Variants in CDH13 observed in about 807,000 individuals in gnomAD.
The protein encoded by CDH13 is cadherin-13.
CDH13 carries 24 observed loss-of-function variants against 63.8 expected under a neutral mutation model. The observed-to-expected ratio is 0.38, with a 90% CI of 0.27 to 0.53. The LOEUF (loss-of-function observed/expected upper bound fraction) is 0.53, where lower values mean the gene tolerates loss of function less well. Among genes scored for constraint, CDH13 ranks in the 20% least tolerant of loss-of-function variants. The probability of loss-of-function intolerance (pLI) is 0.85; values close to 1 mark genes in which losing one functional copy is unlikely to be tolerated. For synonymous variants in CDH13, 503 were observed against 355.3 expected, an observed-to-expected ratio of 1.42 and a Z score of -4.67; for missense variants, 1,049 against 903.1, an observed-to-expected ratio of 1.16 and a Z score of -2.07.
intron 13 of CDH13, among the ~76,000 whole-genome samples, chr16:83,784,107 C>T (rs957811939): frequency 1.3e-5 from 2 of 152,092 alleles, no homozygotes; most frequent in African/African-American, 2.4e-5. Flanking sequence ...TAACTTTAGC[C>T]GTTATTCATA....
chr16:83,575,558 A>G (rs975801369), intron 7 of CDH13, among the ~76,000 whole-genome samples: 19 of 152,184 alleles, frequency 1.2e-4, no homozygotes, highest in African/African-American at 2.2e-4. Flanking sequence ...GGGGGTTTCC[A>G]TCTTCACCCA....
In CDH13 at chr16:82,982,597, C is replaced by G. The variant is rs1910421617; in HGVS notation, c.158-49413C>G. On this transcript the variant is annotated intron_variant, in intron 2 of 13. Transcript: ENST00000567109. The stretch of plus-strand genomic sequence containing the variant: ...GATTTTTTCTGATTTTCAGGCCAGT[C>G]TCATATCCCCAGAGAAATGCATTCT... Among the ~76,000 whole-genome samples, 3 of 152,192 alleles carry G rather than the reference C, an allele frequency of 2.0e-5. No homozygotes were observed. The South Asian group carries it at 6.2e-4, about 32-fold the overall frequency.
At chr16:83,756,865 C>A (rs868696560) in intron 11 of CDH13, among the ~76,000 whole-genome samples, 20 of 152,130 alleles carry the variant, frequency 1.3e-4, no homozygotes, top group Non-Finnish European at 2.8e-4. Context: ...TCTCTCATAT[C>A]AGCTTCAAGA....
chr16:83,354,849 T>A (rs561538211), intron 6 of CDH13, among the ~76,000 whole-genome samples: 6 of 152,332 alleles, frequency 3.9e-5, no homozygotes, highest in African/African-American at 1.4e-4. Context: ...CTGTTGTTTT[T>A]TAAATAAAGT....
intron 3 of CDH13, among the ~76,000 whole-genome samples, chr16:83,104,484 C>T (rs993216546): frequency 6.6e-6 from 1 of 151,922 alleles, no homozygotes; most frequent in Non-Finnish European, 1.5e-5. Flanking sequence ...AAGAGAGCCA[C>T]ATAAAAGAGA....
chr16:83,754,918 C>G (rs541446713), intron 11 of CDH13, among the ~76,000 whole-genome samples: 2 of 152,190 alleles, frequency 1.3e-5, no homozygotes, highest in Admixed American at 6.5e-5. Context: ...CATCTGGAGC[C>G]TCTCCAATCT....
intron 1 of CDH13, among the ~76,000 whole-genome samples, chr16:82,788,067 CAGTGCTCTCT>C (rs1330906313): frequency 6.6e-6 from 1 of 152,058 alleles, no homozygotes; most frequent in African/African-American, 2.4e-5. Flanking sequence ...AATAATAAGT[CAGTGCTCTCT>C]GGAGGCTATA....
chr16:83,212,701 G>A (rs578226843), intron 4 of CDH13, among the ~76,000 whole-genome samples: 1 of 152,318 alleles, frequency 6.6e-6, no homozygotes, highest in South Asian at 2.1e-4. Flanking sequence ...GCTGAAAGCT[G>A]CCCAAAGCAG....
chr16:83,475,814 A>T (rs779565622), intron 6 of CDH13, among the ~76,000 whole-genome samples: 2 of 152,114 alleles, frequency 1.3e-5, no homozygotes, highest in Non-Finnish European at 2.9e-5. Flanking sequence ...TGGACTCCTG[A>T]CCTCGGGTGA....
chr16:83,002,559 G>A (rs980662820), intron 2 of CDH13, among the ~76,000 whole-genome samples: 1 of 152,194 alleles, frequency 6.6e-6, no homozygotes, highest in African/African-American at 2.4e-5. Flanking sequence ...AAAAATCCCT[G>A]CCATTGTGAT....
intron 2 of CDH13, among the ~76,000 whole-genome samples, chr16:83,014,348 G>A (rs980250800): frequency 4.2e-5 from 6 of 144,030 alleles, no homozygotes; most frequent in Admixed American, 7.0e-5. Context: ...AAAAAACTTA[G>A]CATCTAACTA....
At chr16:83,155,849 C>T (rs1361455770) in intron 4 of CDH13, among the ~76,000 whole-genome samples, 1 of 152,188 alleles carries the variant, frequency 6.6e-6, no homozygotes, top group Non-Finnish European at 1.5e-5. Flanking sequence ...GTTCTCAAAC[C>T]TTGGCTGCAT....
chr16:83,617,144 C>T (rs1039545719), intron 8 of CDH13, among the ~76,000 whole-genome samples: 10 of 152,182 alleles, frequency 6.6e-5, no homozygotes, highest in African/African-American at 2.4e-4. Flanking sequence ...ATGCTTTGCT[C>T]TTTAAGCCCA....
intron 5 of CDH13, among the ~76,000 whole-genome samples, chr16:83,265,008 TTAA>T (rs1186170599): frequency 1.4e-4 from 21 of 152,242 alleles, no homozygotes; most frequent in Non-Finnish European, 2.9e-4. Context: ...TTTCCAGGTG[TTAA>T]TAATTATTTC....
At chr16:83,597,707 C>T (rs895152592) in intron 7 of CDH13, among the ~76,000 whole-genome samples, 1 of 152,178 alleles carries the variant, frequency 6.6e-6, no homozygotes, top group Non-Finnish European at 1.5e-5. Context: ...AGTTTATCTA[C>T]ATAACAGTCT....
chr16:82,932,947 A>G (rs1457200011), intron 2 of CDH13, among the ~76,000 whole-genome samples: 1 of 152,232 alleles, frequency 6.6e-6, no homozygotes, highest in Non-Finnish European at 1.5e-5. Context: ...TAGTAGAGGC[A>G]TAAATGAAAG....
intron 1 of CDH13, among the ~76,000 whole-genome samples, chr16:82,709,496 G>A (rs1331373326): frequency 6.6e-6 from 1 of 152,202 alleles, no homozygotes; most frequent in African/African-American, 2.4e-5. Context: ...TGCAAGGGAT[G>A]TAACTCTAGG....
chr16:83,071,176 G>A (rs143219291), intron 3 of CDH13, among the ~76,000 whole-genome samples: 1,968 of 152,244 alleles, frequency 0.013, 20 homozygotes, highest in South Asian at 0.029. Context: ...TCTCAGAAAA[G>A]CAGAGACCTG....
intron 4 of CDH13, among the ~76,000 whole-genome samples, chr16:83,136,125 C>A (rs6565128): frequency 6.6e-6 from 1 of 150,484 alleles, no homozygotes; most frequent in Non-Finnish European, 1.5e-5. Flanking sequence ...CACTAAAGAA[C>A]TTATTCATGT....
Sources: gnomAD v4.1 joint callset for allele counts (sites outside exome capture counted in the v4.1 genomes callset) on GRCh38, gnomAD v4.1.1 for gene constraint, MANE v1.5 for transcripts, NCBI Gene and HGNC (gene_info 2026-07-23, HGNC 2026-07-21) for gene names.